ZNF738: variants seen among roughly 807,000 people sequenced by gnomAD.
ZNF738 encodes the protein protein ZNF738.
Under a neutral mutation model 9.2 loss-of-function variants are expected in ZNF738, and 10 were observed. The ratio of observed to expected loss-of-function variants is 1.09; its 90% CI spans 0.67 to 1.85. ZNF738 has a LOEUF of 1.85. Ranked by LOEUF, ZNF738 falls within the 40% of genes most tolerant of loss-of-function variation. ZNF738 has a pLI of 0.00. For missense variants in ZNF738, 346 were observed against 283.6 expected (o/e 1.22, Z -1.58); for synonymous variants, 113 against 94.5 (o/e 1.20, Z -1.14).
chr19:21,374,248 G>GA (rs149502615), intron 2 of ZNF738, among the ~76,000 whole-genome samples: 2,275 of 138,320 alleles, frequency 0.016, 70 homozygotes, highest in African/African-American at 0.054. Flanking sequence ...TGAAAGTTCT[G>GA]AAAAAAAAAT....
chr19:21,378,545 G>A, intron 4 of ZNF738: 1 of 275,622 alleles, frequency 3.6e-6, no homozygotes, highest in Non-Finnish European at 7.9e-6. Flanking sequence ...CTTCTGTCCT[G>A]AAAAATTTTT....
At chr19:21,373,046 C>G (rs1241620150) in intron 2 of ZNF738, among the ~76,000 whole-genome samples, 1 of 152,084 alleles carries the variant, frequency 6.6e-6, no homozygotes, top group Non-Finnish European at 1.5e-5. Flanking sequence ...ATAATGAGCC[C>G]AAGGGGAGCA....
intron 2 of ZNF738, among the ~76,000 whole-genome samples, chr19:21,365,452 T>G (rs1973763555): frequency 6.6e-6 from 1 of 152,116 alleles, no homozygotes; most frequent in Non-Finnish European, 1.5e-5. Flanking sequence ...AAAAAACCCC[T>G]TAATCATAAG....
intron 4 of ZNF738, 118 bp downstream of exon 4, chr19:21,376,082 G>A (rs1459139286): frequency 5.9e-6 from 3 of 509,918 alleles, no homozygotes; most frequent in Non-Finnish European, 1.1e-5. Context: ...ATAGATTCTG[G>A]GAAGCCTGAG....
At chr19:21,361,910 C>A in intron 2 of ZNF738, 52 bp downstream of exon 2, 1 of 731,086 alleles carries the variant, frequency 1.4e-6, no homozygotes, top group Non-Finnish European at 2.5e-6. Flanking sequence ...GAAAAACATG[C>A]TCTACTAAAA....
At chr19:21,364,357 A>C (rs1973746789) in intron 2 of ZNF738, among the ~76,000 whole-genome samples, 3 of 152,098 alleles carry the variant, frequency 2.0e-5, no homozygotes, top group Admixed American at 1.3e-4. Flanking sequence ...GGGGTTAAAA[A>C]ATCAGATTTC....
chr19:21,379,497 A>T (rs1292617911), intron 4 of ZNF738, among the ~76,000 whole-genome samples: 7 of 152,118 alleles, frequency 4.6e-5, no homozygotes, highest in Non-Finnish European at 1.0e-4. Flanking sequence ...CACTCACTGC[A>T]CCTGTTTTCT....
rs899018690 is a variant in ZNF738, at chr19:21,385,820, A to C, written c.*2146A>C. Among the ~76,000 whole-genome samples, 1 of 152,206 alleles carries C rather than the reference A, an allele frequency of 6.6e-6. No homozygotes were observed. Among genetic ancestry groups the C allele is most frequent in the African/African-American group, 2.4e-5 (1 of 41,456 alleles). Reference sequence around the variant, plus strand: ...TATTGATTCTCATACTTTACTAAAAATAAGGTGATTCATTCTGGAGAGAAA... The same window carrying C: ...TATTGATTCTCATACTTTACTAAAACTAAGGTGATTCATTCTGGAGAGAAA... On this transcript the variant is annotated 3_prime_UTR_variant, in exon 5 of 5. Transcript: ENST00000683779.
intron 2 of ZNF738, among the ~76,000 whole-genome samples, chr19:21,365,843 G>A (rs1177620815): frequency 6.6e-6 from 1 of 151,924 alleles, no homozygotes; most frequent in African/African-American, 2.4e-5. Context: ...TATAATCCCA[G>A]GTACTCAGGA....
chr19:21,370,014 A>G (rs1973836657), intron 2 of ZNF738, among the ~76,000 whole-genome samples: 2 of 152,228 alleles, frequency 1.3e-5, no homozygotes, highest in South Asian at 2.1e-4. Context: ...GGGTTTTACC[A>G]TGTTGGTCAC....
chr19:21,381,334 T>C, intron 4 of ZNF738: 1 of 1,539,852 alleles, frequency 6.5e-7, no homozygotes, highest in East Asian at 2.3e-5. Context: ...CTAAAACTGT[T>C]AGCTTTGCTT....
chr19:21,385,370 C>T lies in ZNF738; in HGVS notation c.*1696C>T, dbSNP rs147978877. Among the ~76,000 whole-genome samples the T allele has an allele frequency of 7.7e-3, 1,168 of 152,054 alleles. 15 individuals carry two copies. Among genetic ancestry groups the T allele is most frequent in the African/African-American group, 0.025 (1,052 of 41,472 alleles). Reference sequence around the variant, plus strand: ...ACTCTGGAGGCCTAGGTGGGAGAATCGCTTGAACCCAGGAGGTGGAGGTTG... The same window carrying T: ...ACTCTGGAGGCCTAGGTGGGAGAATTGCTTGAACCCAGGAGGTGGAGGTTG... On this transcript the variant is annotated 3_prime_UTR_variant, in exon 5 of 5. Coordinates refer to ENST00000683779, the MANE Select transcript of ZNF738 (RefSeq NM_001355237.2).
chr19:21,369,374 G>A (rs1973827210), intron 2 of ZNF738, among the ~76,000 whole-genome samples: 1 of 152,104 alleles, frequency 6.6e-6, no homozygotes, highest in Non-Finnish European at 1.5e-5. Flanking sequence ...ATCTCCTAAA[G>A]TGCTGGCATT....
chr19:21,365,352 A>G (rs770918107), intron 2 of ZNF738, among the ~76,000 whole-genome samples: 15 of 152,092 alleles, frequency 9.9e-5, no homozygotes, highest in Non-Finnish European at 2.2e-4. Context: ...AATTCAGCCC[A>G]GTAGGTTTCA....
chr19:21,365,229 G>A (rs1396480893), intron 2 of ZNF738, among the ~76,000 whole-genome samples: 2 of 152,022 alleles, frequency 1.3e-5, no homozygotes, highest in Non-Finnish European at 2.9e-5. Context: ...TGGTTTTGTT[G>A]GGTTTTATCC....
Position 21,381,875 on chromosome 19 carries a change from C to T in ZNF738, c.320-991C>T, listed in dbSNP as rs1280429127. 1.1e-5 allele frequency: 3 copies of T among 278,374 alleles called. 1 individual carries two copies. Among genetic ancestry groups the T allele is most frequent in the Middle Eastern group, 2.2e-3 (2 of 908 alleles). The allele number at this position is 278,374 out of a possible 1,614,324, so 17.2% of individuals were successfully genotyped here. ...GGCGGCCTGGGTGGGCTGCAGCTTC[C>T]TCTTGCTCACAGCCTGGACAGTTGC... On this transcript the variant is annotated intron_variant, in intron 4 of 4. Transcript: ENST00000683779.
chr19:21,359,237 C>A, intron 1 of ZNF738, 94 bp downstream of exon 1: 1 of 872,438 alleles, frequency 1.1e-6, no homozygotes, highest in African/African-American at 1.6e-5. Flanking sequence ...TCCCCGCAGT[C>A]AGCTCTACAA....
chr19:21,385,763 C>T lies in ZNF738; in HGVS notation c.*2089C>T, dbSNP rs940598709. Among the ~76,000 whole-genome samples, 6 of 151,884 alleles carry T rather than the reference C, an allele frequency of 4.0e-5. No homozygotes were observed. Among genetic ancestry groups the T allele is most frequent in the African/African-American group, 1.2e-4 (5 of 41,364 alleles). On this transcript the variant is annotated 3_prime_UTR_variant, in exon 5 of 5. Transcript: ENST00000683779. Reference sequence around the variant, plus strand: ...AAGGTAATTCATGCTGGAGAGATACCCTACAAATGTGAAGAATGTGGCAAA... The same window carrying T: ...AAGGTAATTCATGCTGGAGAGATACTCTACAAATGTGAAGAATGTGGCAAA...
rs1974038740 is a variant in ZNF738, at chr19:21,384,092, A to C, written c.*418A>C. 6.4e-7 allele frequency: 1 copy of C among 1,557,886 alleles called. No homozygotes were observed. Among genetic ancestry groups the C allele is most frequent in the Non-Finnish European group, 8.8e-7 (1 of 1,132,966 alleles). On this transcript the variant is annotated 3_prime_UTR_variant, in exon 5 of 5. Transcript: ENST00000683779. ...GAGAGAAACCCTACAAATGTGAAGA[A>C]TGTGGCAAAGCTTTCTACCGATTAT...
Sources: gnomAD v4.1 joint callset for allele counts (sites outside exome capture counted in the v4.1 genomes callset) on GRCh38, gnomAD v4.1.1 for gene constraint, MANE v1.5 for transcripts, NCBI Gene and HGNC (gene_info 2026-07-23, HGNC 2026-07-21) for gene names.